ZMAT1: variants seen among roughly 807,000 people sequenced by gnomAD.
The protein encoded by ZMAT1 is zinc finger matrin-type 1.
ZMAT1 carries 11 observed loss-of-function variants against 18.5 expected under a neutral mutation model. The observed-to-expected ratio is 0.59, with a 90% CI of 0.37 to 0.98. ZMAT1 has a LOEUF of 0.98. Among genes scored for constraint, ZMAT1 ranks in the 50% least tolerant of loss-of-function variants. The pLI, the probability that ZMAT1 is intolerant of heterozygous loss-of-function variation, is 0.01. For missense variants in ZMAT1, 525 were observed against 496.2 expected, an observed-to-expected ratio of 1.06 and a Z score of -0.55; for synonymous variants, 211 against 176.4, an observed-to-expected ratio of 1.20 and a Z score of -1.55.
chrX:101,884,091 A>G lies in ZMAT1; in HGVS notation c.1507T>C (p.Cys503Arg), dbSNP rs1689535081. ...RHRMLEQKLP[C>R]ETFQTYSGPY... ...CCTGAATAGGTCTGGAAAGTCTCAC[A>G]TGGGAGCTTTTGCTCCAACATTCTA... The change falls in exon 6 of 6, where the codon TGT becomes CGT. Residue 503 changes from cysteine to arginine, a missense_variant. Cys to Arg is a radical substitution (Grantham distance 180). Coordinates refer to ENST00000651725, the MANE Select transcript of ZMAT1 (RefSeq NM_001394560.1). 1 of 1,209,382 alleles carries G rather than the reference A, an allele frequency of 8.3e-7. No individual in the cohort carries two copies. Among genetic ancestry groups the G allele is most frequent in the Admixed American group, 2.2e-5 (1 of 45,945 alleles).
intron 1 of ZMAT1, among the ~76,000 whole-genome samples, chrX:101,925,341 A>T (rs964634539): frequency 1.8e-5 from 2 of 112,440 alleles, no homozygotes; most frequent in Non-Finnish European, 3.8e-5. Flanking sequence ...ATTTTCTATA[A>T]ATAAGAGTGT....
intron 4 of ZMAT1, chrX:101,894,883 T>C (rs764775827): frequency 1.3e-6 from 1 of 749,852 alleles, no homozygotes; most frequent in African/African-American, 2.4e-5. Flanking sequence ...GGGAATAAAA[T>C]ACACTAGTAG....
At chrX:101,903,604 G>A (rs1043827755) in intron 2 of ZMAT1, among the ~76,000 whole-genome samples, 2 of 111,368 alleles carry the variant, frequency 1.8e-5, no homozygotes, top group Non-Finnish European at 1.9e-5. Flanking sequence ...GAAACATGAA[G>A]CAACACCAAA....
chrX:101,929,443 ATAT>A (rs1190069697), intron 1 of ZMAT1, among the ~76,000 whole-genome samples: 2 of 85,781 alleles, frequency 2.3e-5, no homozygotes, highest in Non-Finnish European at 4.4e-5. Flanking sequence ...ATATATATAT[ATAT>A]ATATATATAT....
chrX:101,897,008 C>CT (rs367923447), intron 4 of ZMAT1, among the ~76,000 whole-genome samples: 2,115 of 108,641 alleles, frequency 0.019, 62 homozygotes, highest in African/African-American at 0.067. Context: ...GAGTCAGTAA[C>CT]TTTTTTTTTG....
chrX:101,924,422 C>T (rs1338428865), intron 1 of ZMAT1, among the ~76,000 whole-genome samples: 1 of 112,166 alleles, frequency 8.9e-6, no homozygotes. Context: ...AAGGAGCCTA[C>T]TTTAGTGAAA....
At chrX:101,901,867 A>G (rs1207005482) in intron 2 of ZMAT1, among the ~76,000 whole-genome samples, 1 of 112,408 alleles carries the variant, frequency 8.9e-6, no homozygotes, top group African/African-American at 3.2e-5. Context: ...TTCATGCTAT[A>G]ATATTCTACT....
intron 4 of ZMAT1, chrX:101,887,100 C>T (rs1418679239): frequency 1.1e-4 from 36 of 324,189 alleles, no homozygotes; most frequent in Non-Finnish European, 1.5e-4. Flanking sequence ...TCTTAACCAG[C>T]CTCTTTTTGT....
chrX:101,928,491 G>T (rs757502067), intron 1 of ZMAT1, among the ~76,000 whole-genome samples: 1 of 112,450 alleles, frequency 8.9e-6, no homozygotes, highest in Non-Finnish European at 1.9e-5. Context: ...CTGAGCAGCT[G>T]TGACTATAGG....
At chrX:101,929,406 CTATA>C (rs1453430792) in intron 1 of ZMAT1, among the ~76,000 whole-genome samples, 1 of 56,999 alleles carries the variant, frequency 1.8e-5, no homozygotes, top group Non-Finnish European at 3.6e-5. Context: ...TATATATATT[CTATA>C]TATAGAGAGA....
chrX:101,925,960 T>C (rs1385115052), intron 1 of ZMAT1, among the ~76,000 whole-genome samples: 1 of 112,409 alleles, frequency 8.9e-6, no homozygotes, highest in Admixed American at 9.4e-5. Context: ...AAATATCCCG[T>C]GAGGCAAAAC....
At chrX:101,919,666 G>GA (rs1281959684) in intron 1 of ZMAT1, among the ~76,000 whole-genome samples, 1 of 111,337 alleles carries the variant, frequency 9.0e-6, no homozygotes, top group African/African-American at 3.3e-5. Flanking sequence ...GAATTTGGGG[G>GA]AAAAAAAGGT....
chrX:101,912,085 A>G lies in ZMAT1; in HGVS notation c.293-7755T>C, dbSNP rs1929008148. ...TTCACACTGGATAAACCCACTCCAC[A>G]TGTGCTGGGGACATGGGAAGACCTT... is the stretch of plus-strand genomic sequence containing the variant. On this transcript the variant is annotated intron_variant, in intron 1 of 5. Transcript: ENST00000651725. The G allele has an allele frequency of 3.7e-6, 4 of 1,083,151 alleles. No homozygotes were observed. The Admixed American group carries it at 6.9e-5, about 19-fold the overall frequency. 89.3% of individuals were successfully genotyped at this position (1,083,151 alleles called of 1,213,427 possible).
At position 101,896,350 on chromosome X, in the gene ZMAT1, A is replaced by C. The variant is rs752694634; in HGVS notation, c.676+1518T>G. ...CATGTTCCTACAATTCCAGTATTTC[A>C]TAGCTCTTTTATTTATCCTCCTCTC... is the stretch of plus-strand genomic sequence containing the variant. On this transcript the variant is annotated intron_variant, in intron 4 of 5. Coordinates refer to ENST00000651725, the MANE Select transcript of ZMAT1 (RefSeq NM_001394560.1). Among the ~76,000 whole-genome samples the C allele has an allele frequency of 1.3e-4, 15 of 111,901 alleles. No individual in the cohort carries two copies. The South Asian group carries it at 1.9e-3, about 14-fold the overall frequency.
At chrX:101,887,086 A>C in intron 4 of ZMAT1, 1 of 276,295 alleles carries the variant, frequency 3.6e-6, no homozygotes. Context: ...TTTGCCTCTG[A>C]ATCTCTTAAC....
intron 1 of ZMAT1, among the ~76,000 whole-genome samples, chrX:101,919,861 G>T (rs924467325): frequency 5.4e-5 from 6 of 110,559 alleles, no homozygotes; most frequent in African/African-American, 2.0e-4. Context: ...TTCAACAGGC[G>T]GAAAGGAGTG....
intron 4 of ZMAT1, among the ~76,000 whole-genome samples, chrX:101,891,220 A>C (rs1927368985): frequency 8.9e-6 from 1 of 111,910 alleles, no homozygotes; most frequent in South Asian, 3.7e-4. Context: ...AACTGGCAAA[A>C]GTTAGCGACA....
At chrX:101,886,079 A>T (rs753174801) in intron 5 of ZMAT1, among the ~76,000 whole-genome samples, 23 of 112,187 alleles carry the variant, frequency 2.1e-4, no homozygotes, top group Non-Finnish European at 3.6e-4. Context: ...TCCTTGAAAT[A>T]ACAGAATAAA....
intron 4 of ZMAT1, chrX:101,887,934 T>G (rs968823069): frequency 8.9e-6 from 1 of 111,785 alleles, no homozygotes; most frequent in Non-Finnish European, 1.9e-5. Flanking sequence ...AATGGAAATA[T>G]GTATCTCCTC....
Sources: allele counts gnomAD v4.1 joint callset (sites outside exome capture counted in the v4.1 genomes callset), GRCh38; gene constraint gnomAD v4.1.1; transcripts MANE v1.5; gene names NCBI Gene and HGNC (gene_info 2026-07-23, HGNC 2026-07-21).